The following PPM1L variants were observed in gnomAD, a reference collection of about 807,000 sequenced individuals.
PPM1L encodes protein phosphatase 1L.
A neutral mutation model predicts 31.4 loss-of-function variants in PPM1L; 13 were observed. That is an observed-to-expected ratio of 0.41 (90% CI 0.27 to 0.66). The LOEUF is 0.66. PPM1L is among the 30% of genes least tolerant of loss of function. PPM1L has a pLI of 0.29. For synonymous variants in PPM1L, 184 were observed against 175.4 expected (o/e 1.05, Z -0.39); for missense variants, 326 against 453.7 (o/e 0.72, Z 2.56).
chr3:160,879,082 CAAAG>C (rs1312898530), intron 1 of PPM1L, among the ~76,000 whole-genome samples: 1 of 152,258 alleles, frequency 6.6e-6, no homozygotes, highest in African/African-American at 2.4e-5. Flanking sequence ...TTGAATGTAG[CAAAG>C]AAAGAGAAGG....
chr3:160,843,686 A>G (rs1004928628), intron 1 of PPM1L, among the ~76,000 whole-genome samples: 4 of 151,398 alleles, frequency 2.6e-5, no homozygotes, highest in African/African-American at 9.7e-5. Context: ...CTCATTGTTC[A>G]GTTCCCCTAG....
chr3:160,770,647 A>G (rs1462000165), intron 1 of PPM1L, among the ~76,000 whole-genome samples: 2 of 152,234 alleles, frequency 1.3e-5, no homozygotes, highest in Non-Finnish European at 2.9e-5. Flanking sequence ...AGAAAGCATT[A>G]GTCTAAACAA....
intron 1 of PPM1L, among the ~76,000 whole-genome samples, chr3:160,860,751 T>C (rs1711857158): frequency 6.6e-6 from 1 of 152,178 alleles, no homozygotes; most frequent in Non-Finnish European, 1.5e-5. Flanking sequence ...AAGATCAAGG[T>C]GCTGGCAGAT....
intron 1 of PPM1L, among the ~76,000 whole-genome samples, chr3:160,877,615 G>C (rs139765486): frequency 2.6e-5 from 4 of 152,292 alleles, no homozygotes; most frequent in African/African-American, 9.6e-5. Context: ...GCAAAAGAAA[G>C]AGAAAGGAGA....
chr3:161,030,479 T>TA (rs1280185128), intron 2 of PPM1L, among the ~76,000 whole-genome samples: 9 of 152,168 alleles, frequency 5.9e-5, no homozygotes, highest in African/African-American at 2.2e-4. Context: ...TCTAGAACTG[T>TA]AAAAAATAAT....
chr3:160,791,701 T>C (rs1404185183), intron 1 of PPM1L, among the ~76,000 whole-genome samples: 1 of 152,082 alleles, frequency 6.6e-6, no homozygotes, highest in African/African-American at 2.4e-5. Context: ...TGATTAGTAA[T>C]GTGATAAAAA....
In PPM1L at chr3:160,756,755, G is replaced by A. The variant is rs756819147; in HGVS notation, c.399+48G>A. 89 of 842,292 alleles carry A rather than the reference G, an allele frequency of 1.1e-4. No individual in the cohort carries two copies. The highest frequency in any genetic ancestry group is 5.0e-4 in the South Asian group (24 of 47,638). 52.2% of individuals were successfully genotyped at this position (842,292 alleles called of 1,614,324 possible). On this transcript the variant is annotated intron_variant, in intron 1 of 3. Coordinates refer to ENST00000498165, the MANE Select transcript of PPM1L (RefSeq NM_139245.4). This position sits in a 1 kb window ranked among gnomAD's most constrained non-coding sequence, Gnocchi z 6.2. ...GTATTTGTGTCCGTGTATGTCTCGT[G>A]TGTGTGTGTGTGTGTGTGTGTGTGT...
rs1339431880 is a variant in PPM1L at position 160,756,249 on chromosome 3, G to A, written c.-60G>A. 2 of 1,554,822 alleles carry A rather than the reference G, an allele frequency of 1.3e-6. No homozygotes were observed. Among genetic ancestry groups the A allele is most frequent in the African/African-American group, 2.7e-5 (2 of 73,908 alleles). On this transcript the variant is annotated 5_prime_UTR_variant, in exon 1 of 4. Coordinates refer to ENST00000498165, the MANE Select transcript of PPM1L (RefSeq NM_139245.4). This position sits in a 1 kb window ranked among gnomAD's most constrained non-coding sequence, Gnocchi z 6.2. ...GCGGGCTGTCCCCGCAGTGCTCCCG[G>A]ACCCGGCGAGCCTTCGGGGCGCGCG...
At chr3:161,012,453 A>C (rs9858525) in intron 2 of PPM1L, among the ~76,000 whole-genome samples, 42,613 of 151,414 alleles carry the variant, frequency 0.28, 6,330 homozygotes, top group East Asian at 0.58. Context: ...CATCAATGTT[A>C]ATCAAGGATA....
At chr3:161,006,311 T>A (rs1717702235) in intron 2 of PPM1L, among the ~76,000 whole-genome samples, 1 of 152,114 alleles carries the variant, frequency 6.6e-6, no homozygotes, top group African/African-American at 2.4e-5. Flanking sequence ...GTCAAAATCA[T>A]GGAAACAGAA....
intron 1 of PPM1L, among the ~76,000 whole-genome samples, chr3:160,816,009 A>G (rs1379905554): frequency 6.6e-6 from 1 of 152,006 alleles, no homozygotes; most frequent in South Asian, 2.1e-4. Context: ...GTCACCTTAT[A>G]CTCCTTTTCT....
At chr3:160,780,801 T>G (rs144285805) in intron 1 of PPM1L, among the ~76,000 whole-genome samples, 1 of 152,180 alleles carries the variant, frequency 6.6e-6, no homozygotes, top group Non-Finnish European at 1.5e-5. Context: ...CAGGCAGATA[T>G]TGGGTTGTAG....
At chr3:160,817,859 C>T (rs532421771) in intron 1 of PPM1L, among the ~76,000 whole-genome samples, 5 of 151,792 alleles carry the variant, frequency 3.3e-5, no homozygotes, top group African/African-American at 4.8e-5. Flanking sequence ...TGACAATTGG[C>T]CAGATAAGTA....
intron 1 of PPM1L, among the ~76,000 whole-genome samples, chr3:160,875,488 A>C (rs1360640307): frequency 6.6e-6 from 1 of 152,198 alleles, no homozygotes; most frequent in African/African-American, 2.4e-5. Context: ...TTCTATTAGG[A>C]TCCTAACACA....
chr3:160,882,278 G>A (rs1712748779), intron 1 of PPM1L: 1 of 152,092 alleles, frequency 6.6e-6, no homozygotes, highest in Non-Finnish European at 1.5e-5. Context: ...CTGATTTCTG[G>A]ATTATCTAGA....
intron 2 of PPM1L, among the ~76,000 whole-genome samples, chr3:161,013,138 C>T (rs1161135598): frequency 6.6e-6 from 1 of 152,194 alleles, no homozygotes; most frequent in Non-Finnish European, 1.5e-5. Context: ...TTAGATCTTT[C>T]CTGCTTTCTC....
chr3:160,856,110 A>G (rs111392819), intron 1 of PPM1L, among the ~76,000 whole-genome samples: 4 of 151,996 alleles, frequency 2.6e-5, no homozygotes, highest in African/African-American at 4.8e-5. Context: ...TAGTCTTTCC[A>G]TGTTCCTCTG....
intron 1 of PPM1L, among the ~76,000 whole-genome samples, chr3:160,773,262 A>C (rs763551618): frequency 1.4e-4 from 22 of 152,212 alleles, no homozygotes; most frequent in Non-Finnish European, 2.9e-4. Context: ...TATTGAGCAT[A>C]TTTTCATGTA....
chr3:161,022,026 G>A, intron 2 of PPM1L: 1 of 454,894 alleles, frequency 2.2e-6, no homozygotes, highest in Admixed American at 4.2e-5. Context: ...TAAAAGTTAT[G>A]TTTACTATTT....
Sources: gnomAD v4.1 joint callset for allele counts (sites outside exome capture counted in the v4.1 genomes callset) on GRCh38, gnomAD v4.1.1 for gene constraint, Gnocchi (gnomAD v3.1) non-coding constraint, MANE v1.5 for transcripts, NCBI Gene and HGNC (gene_info 2026-07-23, HGNC 2026-07-21) for gene names.